Variants in PABIR3 observed in about 807,000 individuals in gnomAD.
PABIR3 encodes the protein PABIR family member 1.
PABIR3 carries 20 observed loss-of-function variants against 23.1 expected under a neutral mutation model. The ratio of observed to expected loss-of-function variants is 0.86; its 90% CI spans 0.61 to 1.26. The LOEUF is 1.26. Ranked by LOEUF, PABIR3 falls within the 50% of genes most tolerant of loss-of-function variation. PABIR3 has a pLI of 0.00. For synonymous variants in PABIR3, 69 were observed against 68.5 expected, an observed-to-expected ratio of 1.01 and a Z score of -0.04; for missense variants, 189 against 195.4, an observed-to-expected ratio of 0.97 and a Z score of 0.20.
At chrX:134,828,039 CTCTCTCTCTA>C (rs1224296983) in intron 3 of PABIR3, among the ~76,000 whole-genome samples, 68 of 73,412 alleles carry the variant, frequency 9.3e-4, no homozygotes, top group African/African-American at 2.8e-3. Flanking sequence ...CTCTCTCTCT[CTCTCTCTCTA>C]TATATATATA....
chrX:134,822,259 T>C, intron 3 of PABIR3: 1 of 751,637 alleles, frequency 1.3e-6, no homozygotes, highest in African/African-American at 2.3e-5. Flanking sequence ...TCTATTTTAA[T>C]ACTTTGTTTC....
chrX:134,842,227 C>G (rs919134896), intron 4 of PABIR3, among the ~76,000 whole-genome samples: 4 of 111,978 alleles, frequency 3.6e-5, no homozygotes, highest in African/African-American at 1.3e-4. Flanking sequence ...GATATTCATT[C>G]CTTTTCAGAT....
At chrX:134,811,172 C>T in intron 2 of PABIR3, 2 of 748,349 alleles carry the variant, frequency 2.7e-6, no homozygotes, top group Non-Finnish European at 3.2e-6. Flanking sequence ...AATAAAAATT[C>T]CAACGTCAAA....
chrX:134,832,325 G>A (rs1285091715), intron 4 of PABIR3, among the ~76,000 whole-genome samples: 2 of 106,582 alleles, frequency 1.9e-5, no homozygotes, highest in African/African-American at 6.8e-5. Context: ...TTGTCTTTCT[G>A]TGCCTGGCTT....
At chrX:134,849,078 G>A (rs753882043) in intron 8 of PABIR3, 89 bp from the exon 9 acceptor site, 4 of 343,356 alleles carry the variant, frequency 1.2e-5, no homozygotes, top group Non-Finnish European at 1.8e-5. Context: ...CCGTTTTTGT[G>A]TATGTCCTTA....
downstream of PABIR3, among the ~76,000 whole-genome samples, chrX:134,855,213 T>A (rs1344331483): frequency 9.1e-6 from 1 of 110,454 alleles, no homozygotes; most frequent in Non-Finnish European, 1.9e-5. Context: ...GGCGGGTGGA[T>A]CACAAGGTCA....
chrX:134,799,355 A>G (rs1603109659), intron 1 of PABIR3, among the ~76,000 whole-genome samples: 1 of 112,445 alleles, frequency 8.9e-6, no homozygotes, highest in South Asian at 3.6e-4. Context: ...CAAAAGTTGA[A>G]CTGAGATATT....
intron 4 of PABIR3, among the ~76,000 whole-genome samples, chrX:134,837,250 G>A (rs1488023387): frequency 2.7e-5 from 3 of 110,280 alleles, no homozygotes; most frequent in African/African-American, 9.9e-5. Context: ...GGAGGCTGAG[G>A]CAGGAGAATC....
chrX:134,800,668 T>C (rs1043157796), intron 1 of PABIR3, among the ~76,000 whole-genome samples: 3 of 109,482 alleles, frequency 2.7e-5, no homozygotes, highest in Admixed American at 9.7e-5. Flanking sequence ...TGCTCGTCTG[T>C]AGTCCCAGCT....
At chrX:134,862,483 A>G in the PABIR3 span, among the ~76,000 whole-genome samples, 2 of 111,583 alleles carry the variant, frequency 1.8e-5, no homozygotes, top group Non-Finnish European at 3.8e-5. Flanking sequence ...ATGTGTCTAT[A>G]TATGTTATGT....
intron 4 of PABIR3, among the ~76,000 whole-genome samples, chrX:134,840,266 T>A (rs1239038870): frequency 9.0e-6 from 1 of 110,753 alleles, no homozygotes; most frequent in African/African-American, 3.3e-5. Flanking sequence ...GAGACCTTTG[T>A]TCACTTGTTT....
At chrX:134,821,254 A>C in intron 3 of PABIR3, 1 of 937,214 alleles carries the variant, frequency 1.1e-6, no homozygotes, top group Non-Finnish European at 1.4e-6. Context: ...TAAAAAAAAA[A>C]AAAAAAAAAA....
chrX:134,806,048 G>T (rs970779510), upstream of PABIR3, among the ~76,000 whole-genome samples: 1 of 112,274 alleles, frequency 8.9e-6, no homozygotes, highest in South Asian at 3.6e-4. Flanking sequence ...TTAGCATGGA[G>T]TTAAGATTTC....
intron 2 of PABIR3, chrX:134,810,633 G>T (rs2080596158): frequency 1.3e-6 from 1 of 752,089 alleles, no homozygotes; most frequent in Non-Finnish European, 1.6e-6. Flanking sequence ...ATTACACTGA[G>T]CCTTAGTTGA....
Position 134,852,876 on chromosome X carries a change from A to G in PABIR3, c.666A>G (p.Gln222=). The G allele has an allele frequency of 8.9e-7, 1 of 1,129,111 alleles. No individual in the cohort carries two copies. Among genetic ancestry groups the G allele is most frequent in the Non-Finnish European group, 1.2e-6 (1 of 859,719 alleles). The allele number at this position is 1,129,111 out of a possible 1,213,427, so 93.1% of individuals were successfully genotyped here. Residue 222 remains glutamine (Q), a synonymous_variant, in exon 10 of 11, where the codon CAA becomes CAG. Transcript: ENST00000645433. ...ACATGCTTTCTTCTGATACTTCCCAACTGTCAGAAAATAATGTGTAGTGAG... is the reference window on the plus strand; with the variant it reads ...ACATGCTTTCTTCTGATACTTCCCAGCTGTCAGAAAATAATGTGTAGTGAG... ...TTNMLSSDTS[Q]LSENNVYLLP... is the part of the protein sequence containing the mutation.
downstream of PABIR3, among the ~76,000 whole-genome samples, chrX:134,858,726 G>A (rs2082760175): frequency 9.0e-6 from 1 of 111,644 alleles, no homozygotes; most frequent in Admixed American, 9.6e-5. Context: ...TCGTTTTCCT[G>A]AAATTCCGTA....
chrX:134,813,951 C>G (rs1462601610), intron 2 of PABIR3, among the ~76,000 whole-genome samples: 2 of 108,833 alleles, frequency 1.8e-5, no homozygotes, highest in African/African-American at 6.7e-5. Flanking sequence ...TCAATAGAAG[C>G]CAGAACGTTG....
intron 3 of PABIR3, among the ~76,000 whole-genome samples, chrX:134,824,224 G>A (rs1005144242): frequency 8.9e-6 from 1 of 111,938 alleles, no homozygotes; most frequent in African/African-American, 3.2e-5. Flanking sequence ...CCTTGGACAA[G>A]TTGCTTAATC....
chrX:134,800,000 C>T (rs1293616934), intron 1 of PABIR3: 1 of 108,004 alleles, frequency 9.3e-6, no homozygotes, highest in Non-Finnish European at 1.9e-5. Context: ...TTATTTAAAA[C>T]CTTCCTTACC....
Sources: gnomAD v4.1 joint callset for allele counts (sites outside exome capture counted in the v4.1 genomes callset) on GRCh38, gnomAD v4.1.1 for gene constraint, MANE v1.5 for transcripts, NCBI Gene and HGNC (gene_info 2026-07-23, HGNC 2026-07-21) for gene names.